The following ROGDI variants were observed in gnomAD, a reference collection of about 807,000 sequenced individuals.
The protein encoded by ROGDI is rogdi atypical leucine zipper.
Under a neutral mutation model 43.1 loss-of-function variants are expected in ROGDI, and 46 were observed. That is an observed-to-expected ratio of 1.07 (90% CI 0.84 to 1.37). ROGDI has a LOEUF of 1.37. ROGDI is among the 40% of genes most tolerant of loss of function. ROGDI has a pLI of 0.00. For missense variants in ROGDI, 518 were observed against 383.9 expected (o/e 1.35, Z -2.92); for synonymous variants, 243 against 162.0 (o/e 1.50, Z -3.80).
At chr16:4,800,285 G>T (rs549786240) in intron 5 of ROGDI, among the ~76,000 whole-genome samples, 1 of 152,142 alleles carries the variant, frequency 6.6e-6, no homozygotes, top group Non-Finnish European at 1.5e-5. Flanking sequence ...TGTGGCCCTC[G>T]GGGCTCTCAG....
chr16:4,800,769 G>A (rs2082705319), intron 4 of ROGDI, 191 bp from the exon 5 acceptor site: 2 of 589,324 alleles, frequency 3.4e-6, no homozygotes, highest in Non-Finnish European at 6.0e-6. Flanking sequence ...CAGGAAACCA[G>A]GCCCAAGAAG....
rs1263184916 is a variant in ROGDI at position 4,800,501 on chromosome 16, C to T, written c.333G>A (p.Gln111=). ...TAGCCAGGAGGGGCGGGGTCACCTGCTGCAGCTTCCACTGCTTGTCCTCCC... is the reference window on the plus strand; with the variant it reads ...TAGCCAGGAGGGGCGGGGTCACCTGTTGCAGCTTCCACTGCTTGTCCTCCC... ...AFREDKQWKL[Q]QIQDARNHVS... Residue 111 remains glutamine, a synonymous_variant, in exon 5 of 11, where the codon CAG becomes CAA. Coordinates refer to ENST00000322048, the MANE Select transcript of ROGDI (RefSeq NM_024589.3). 1 of 1,554,570 alleles carries T rather than the reference C, an allele frequency of 6.4e-7. No homozygotes were observed. The highest frequency in any genetic ancestry group is 1.4e-5 in the African/African-American group (1 of 73,294).
At position 4,798,018 on chromosome 16, in the gene ROGDI, C is replaced by CT. The variant is rs764457838; in HGVS notation, c.646-32dup. The CT allele has an allele frequency of 1.5e-5, 24 of 1,613,388 alleles. No homozygotes were observed. In the African/African-American group the frequency reaches 3.2e-4, roughly 22 times the overall value. Reference sequence around the variant, plus strand: ...GAGAACAGCACCAGACCCGTCAGGCCTTGCAGGGCGTGTGCATGGCGGGCA... The same window carrying CT: ...GAGAACAGCACCAGACCCGTCAGGCCTTTGCAGGGCGTGTGCATGGCGGGCA... On this transcript the variant is annotated intron_variant, in intron 8 of 10. Transcript: ENST00000322048.
rs546063670 is a variant in ROGDI, at chr16:4,797,975, C to T, written c.658G>A (p.Ala220Thr). ...QPNSTKNFRPAGGAVLHSPGA... is the reference protein window; with the variant it reads ...QPNSTKNFRPTGGAVLHSPGA... ...GGGCTATGCAGCACCGCGCCCCCAG[C>T]TGGGCGGAAGTTCTAGGGAGAACAG... Residue 220 changes from alanine (A) to threonine (T), a missense_variant, in exon 9 of 11, where the codon GCT becomes ACT. Ala to Thr is a moderately conservative substitution (Grantham distance 58, BLOSUM62 0). Coordinates refer to ENST00000322048, the MANE Select transcript of ROGDI (RefSeq NM_024589.3). 5.7e-5 allele frequency: 92 copies of T among 1,607,670 alleles called. No homozygotes were observed. In the African/African-American group the frequency reaches 9.9e-4, roughly 17 times the overall value.
chr16:4,797,646 C>T lies in ROGDI; in HGVS notation c.822+68G>A, dbSNP rs371842781. ...GGTACACCAGACCCCAAGGTTGGGG[C>T]GCTCTGAGGGTGTGGCAAGGACCCT... On this transcript the variant is annotated intron_variant, in intron 10 of 10. Coordinates refer to ENST00000322048, the MANE Select transcript of ROGDI (RefSeq NM_024589.3). 4.2e-5 allele frequency: 68 copies of T among 1,607,084 alleles called. No homozygotes were observed. In the East Asian group the frequency reaches 5.6e-4, roughly 13 times the overall value.
Position 4,802,562 on chromosome 16 carries a change from C to A in ROGDI, c.10G>T (p.Val4Leu), listed in dbSNP as rs1265976258. 3.1e-6 allele frequency: 4 copies of A among 1,302,124 alleles called. No individual in the cohort carries two copies. The highest frequency in any genetic ancestry group is 3.9e-6 in the Non-Finnish European group (4 of 1,018,770). The allele number at this position is 1,302,124 out of a possible 1,614,324, so 80.7% of individuals were successfully genotyped here. The change falls in exon 1 of 11, where the codon GTG (valine) becomes TTG (leucine). Residue 4 changes from valine (V) to leucine (L), a missense_variant. Coordinates refer to ENST00000322048, the MANE Select transcript of ROGDI (RefSeq NM_024589.3). MAT[V>L]MAATAAERAV... ...CGCTCCGCCGCCGTCGCTGCCATCACGGTGGCCATGGCCGCAGGCCGCCGC... is the reference window on the plus strand; with the variant it reads ...CGCTCCGCCGCCGTCGCTGCCATCAAGGTGGCCATGGCCGCAGGCCGCCGC...
chr16:4,798,865 G>A (rs1336010763), intron 6 of ROGDI, 198 bp from the exon 7 acceptor site: 2 of 583,176 alleles, frequency 3.4e-6, no homozygotes, highest in African/African-American at 1.9e-5. Context: ...CTGCACTAAT[G>A]TCAGTCGGGA....
At chr16:4,800,766 C>A in intron 4 of ROGDI, 188 bp from the exon 5 acceptor site, 2 of 588,004 alleles carry the variant, frequency 3.4e-6, no homozygotes, top group South Asian at 2.0e-5. Flanking sequence ...AAACAGGAAA[C>A]CAGGCCCAAG....
At chr16:4,801,882 G>A in intron 2 of ROGDI, 1 of 576,832 alleles carries the variant, frequency 1.7e-6, no homozygotes, top group Non-Finnish European at 3.2e-6. Context: ...GCAAGGGGCA[G>A]AGTCAGGGAA....
Position 4,800,539 on chromosome 16 carries a change from G to A in ROGDI, c.295C>T (p.His99Tyr), listed in dbSNP as rs1360724721. The change falls in exon 5 of 11, where the codon CAC becomes TAC. Residue 99 changes from histidine (H) to tyrosine (Y), a missense_variant. Transcript: ENST00000322048. ...TGCTTGTCCTCCCGGAAGGCGAAGT[G>A]CAGCAGCTGGTTGTTCCGGGGCATC... Reference protein sequence around the residue: ...LKMPRNNQLLHFAFREDKQWK... With the variant: ...LKMPRNNQLLYFAFREDKQWK... The A allele has an allele frequency of 1.3e-6, 2 of 1,566,054 alleles. No homozygotes were observed. Among genetic ancestry groups the A allele is most frequent in the Non-Finnish European group, 1.7e-6 (2 of 1,154,574 alleles).
In ROGDI at chr16:4,801,261, A is replaced by T. The variant is rs780524989; in HGVS notation, c.255+6T>A. 1 of 1,601,218 alleles carries T rather than the reference A, an allele frequency of 6.2e-7. No individual in the cohort carries two copies. The highest frequency in any genetic ancestry group is 1.1e-5 in the South Asian group (1 of 89,684). ...GGATGGGAGGGGACAGGGCCGGGGG[A>T]CTCACCGCCTGGCTGAGGGCATCCC... is the stretch of plus-strand genomic sequence containing the variant. On this transcript the variant is annotated splice_donor_region_variant and intron_variant, in intron 4 of 10. Transcript: ENST00000322048.
chr16:4,801,782 A>G (rs1214007075), intron 2 of ROGDI, 197 bp from the exon 3 acceptor site: 1 of 607,714 alleles, frequency 1.6e-6, no homozygotes, highest in Non-Finnish European at 2.9e-6. Context: ...CTCTGCTTAT[A>G]CCACATTCCC....
chr16:4,801,645 C>T, intron 2 of ROGDI, 60 bp from the exon 3 acceptor site: 1 of 1,450,396 alleles, frequency 6.9e-7, no homozygotes, highest in Non-Finnish European at 9.4e-7. Context: ...GCCCAGTGCT[C>T]CTTCCAGAAG....
chr16:4,800,908 G>T (rs1204724206), intron 4 of ROGDI: 3 of 503,104 alleles, frequency 6.0e-6, no homozygotes, highest in African/African-American at 2.0e-5. Context: ...GAGCCCAGGA[G>T]GGGGGCCTCC....
At chr16:4,800,409 A>G (rs2082700426) in intron 5 of ROGDI, 89 bp downstream of exon 5, 1 of 1,039,312 alleles carries the variant, frequency 9.6e-7, no homozygotes, top group Non-Finnish European at 1.4e-6. Context: ...ACAGATCCCC[A>G]GGGCTAGTCC....
intron 2 of ROGDI, chr16:4,802,040 C>T: frequency 1.7e-6 from 1 of 591,170 alleles, no homozygotes; most frequent in Non-Finnish European, 3.2e-6. Context: ...AAAAGGGAGG[C>T]CCAGGGAGGT....
At position 4,802,591 on chromosome 16, in the gene ROGDI, G is replaced by T. The variant is rs1302389698; in HGVS notation, c.-20C>A. On this transcript the variant is annotated 5_prime_UTR_variant, in exon 1 of 11. Transcript: ENST00000322048. The stretch of plus-strand genomic sequence containing the variant: ...GGCCATGGCCGCAGGCCGCCGCCGA[G>T]CGCCCTCCCCACCGGCCGCTGCTCC... The T allele has an allele frequency of 1.5e-6, 2 of 1,307,812 alleles. No individual in the cohort carries two copies. Among genetic ancestry groups the T allele is most frequent in the African/African-American group, 3.1e-5 (2 of 65,258 alleles). The allele number at this position is 1,307,812 out of a possible 1,614,324, so 81.0% of individuals were successfully genotyped here.
At position 4,801,576 on chromosome 16, in the gene ROGDI, G is replaced by A. The variant is rs1333439130; in HGVS notation, c.127C>T (p.Leu43=). The A allele has an allele frequency of 1.2e-6, 2 of 1,600,086 alleles. No individual in the cohort carries two copies. The highest frequency in any genetic ancestry group is 1.3e-5 in the African/African-American group (1 of 74,814). The change falls in exon 3 of 11, where the codon CTG becomes TTG. Residue 43 remains leucine, a synonymous_variant. Transcript: ENST00000322048. The stretch of plus-strand genomic sequence containing the variant: ...CCGGAGCCCGGCAGAGTGAAGCGCA[G>A]AGAGGCCTCCTGTGGAACAGAGGGA... The part of the protein sequence containing the change: ...QLQDILKEAS[L]RFTLPGSGTE...
At chr16:4,799,556 C>T (rs933002257) in intron 6 of ROGDI, 130 bp downstream of exon 6, 29 of 624,702 alleles carry the variant, frequency 4.6e-5, no homozygotes, top group Admixed American at 2.8e-4. Context: ...GAAATGGAGA[C>T]ACAGAGTCGG....
Sources: gnomAD v4.1 joint callset for allele counts (sites outside exome capture counted in the v4.1 genomes callset) on GRCh38, gnomAD v4.1.1 for gene constraint, MANE v1.5 for transcripts, NCBI Gene and HGNC (gene_info 2026-07-23, HGNC 2026-07-21) for gene names.